The following PSD3 variants were observed in gnomAD, a reference collection of about 807,000 sequenced individuals.
The protein encoded by PSD3 is PH and SEC7 domain-containing protein 3.
Under a neutral mutation model 105.5 loss-of-function variants are expected in PSD3, and 49 were observed. That is an observed-to-expected ratio of 0.46 (90% confidence interval 0.37 to 0.59). PSD3 has a LOEUF of 0.59. Among genes scored for constraint, PSD3 ranks in the 20% least tolerant of loss-of-function variants. The pLI, the probability that PSD3 is intolerant of heterozygous loss-of-function variation, is 0.00. For missense variants in PSD3, 1,561 were observed against 1,263.8 expected, an observed-to-expected ratio of 1.24 and a Z score of -3.57; for synonymous variants, 557 against 457.8, an observed-to-expected ratio of 1.22 and a Z score of -2.77.
At chr8:18,704,937 T>C (rs1801802395) in intron 9 of PSD3, among the ~76,000 whole-genome samples, 1 of 151,916 alleles carries the variant, frequency 6.6e-6, no homozygotes, top group Non-Finnish European at 1.5e-5. Context: ...AAAAAATAAA[T>C]GGGCAACCCC....
Position 18,610,671 on chromosome 8 carries a change from C to T in PSD3, c.2411-10237G>A, listed in dbSNP as rs28470443. ...ATTTCCTTTTCTTATATAATAGCAACCAATGCATATTTTGATAGAGAATAA... is the reference window on the plus strand; with the variant it reads ...ATTTCCTTTTCTTATATAATAGCAATCAATGCATATTTTGATAGAGAATAA... On this transcript the variant is annotated intron_variant, in intron 11 of 15. Transcript: ENST00000327040. 6.3e-3 allele frequency among the ~76,000 whole-genome samples: 957 copies of T among 152,222 alleles called. 10 individuals are homozygous for T. The highest frequency in any genetic ancestry group is 0.022 in the African/African-American group (894 of 41,534).
intron 1 of PSD3, among the ~76,000 whole-genome samples, chr8:18,973,628 T>C (rs368343691): frequency 3.3e-5 from 5 of 152,124 alleles, no homozygotes; most frequent in African/African-American, 1.2e-4. Flanking sequence ...AACTTGAACA[T>C]GTGAATTTTA....
At position 18,600,395 on chromosome 8, in the gene PSD3, A is replaced by G. The variant is rs1428416107; in HGVS notation, c.2450T>C (p.Val817Ala). Residue 817 changes from valine (V) to alanine (A), a missense_variant, in exon 12 of 16, where the codon GTA (valine) becomes GCA (alanine). Physicochemically the swap from Val to Ala is moderately conservative, Grantham distance 64 (BLOSUM62 0). Transcript: ENST00000327040. Reference sequence around the variant, plus strand: ...CAAGTAAAGAACTGTTCCCTTCAGTACAGCATAAAAGGTTTTCCATCCTCG... The same window carrying G: ...CAAGTAAAGAACTGTTCCCTTCAGTGCAGCATAAAAGGTTTTCCATCCTCG... ...GKRGWKTFYA[V>A]LKGTVLYLQK... The G allele has an allele frequency of 2.5e-6, 4 of 1,607,000 alleles. No individual in the cohort carries two copies. Among genetic ancestry groups the G allele is most frequent in the Non-Finnish European group, 3.4e-6 (4 of 1,178,404 alleles).
At chr8:18,642,694 T>C (rs1807738861) in intron 10 of PSD3, among the ~76,000 whole-genome samples, 1 of 152,214 alleles carries the variant, frequency 6.6e-6, no homozygotes, top group African/African-American at 2.4e-5. Flanking sequence ...GAAATGAAGA[T>C]AACAATATTT....
At chr8:18,959,892 C>T (rs892558317) in intron 1 of PSD3, among the ~76,000 whole-genome samples, 1 of 152,146 alleles carries the variant, frequency 6.6e-6, no homozygotes, top group African/African-American at 2.4e-5. Context: ...ATCAGATAAG[C>T]CACTCTTTTT....
intron 4 of PSD3, among the ~76,000 whole-genome samples, chr8:18,834,854 A>C (rs144937285): frequency 1.3e-5 from 2 of 152,358 alleles, no homozygotes; most frequent in African/African-American, 4.8e-5. Flanking sequence ...TGTGACATCC[A>C]TCCAATACAA....
intron 9 of PSD3, among the ~76,000 whole-genome samples, chr8:18,669,792 T>C (rs2046668): frequency 0.038 from 5,738 of 152,350 alleles, 171 homozygotes; most frequent in Admixed American, 0.1. Context: ...AATCCCGTAA[T>C]GGTATAGCAT....
chr8:18,714,226 T>C (rs926686626), intron 9 of PSD3, among the ~76,000 whole-genome samples: 1 of 151,954 alleles, frequency 6.6e-6, no homozygotes, highest in African/African-American at 2.4e-5. Flanking sequence ...TGGGCAAAGA[T>C]TTTATGATGA....
At chr8:18,594,371 AATAAT>A (rs1358680999) in intron 12 of PSD3, among the ~76,000 whole-genome samples, 2 of 108,528 alleles carry the variant, frequency 1.8e-5, no homozygotes, top group Non-Finnish European at 3.4e-5. Flanking sequence ...ATAATATATA[AATAAT>A]ATAATACATT....
chr8:18,732,638 G>A (rs1316638153), intron 9 of PSD3, among the ~76,000 whole-genome samples: 1 of 152,248 alleles, frequency 6.6e-6, no homozygotes, highest in East Asian at 1.9e-4. Flanking sequence ...TTCCTTACAT[G>A]GTGGCTCCGA....
intron 15 of PSD3, among the ~76,000 whole-genome samples, chr8:18,539,505 A>G (rs1160798832): frequency 6.6e-6 from 1 of 152,238 alleles, no homozygotes; most frequent in African/African-American, 2.4e-5. Flanking sequence ...GCTGGTGTGT[A>G]AGAAAAAGTA....
intron 4 of PSD3, among the ~76,000 whole-genome samples, chr8:18,816,701 T>A (rs1354768685): frequency 6.6e-6 from 1 of 152,180 alleles, no homozygotes; most frequent in Non-Finnish European, 1.5e-5. Context: ...AGAGAAACAA[T>A]AAAATACATG....
intron 9 of PSD3, among the ~76,000 whole-genome samples, chr8:18,667,538 G>A (rs1799542328): frequency 1.3e-5 from 2 of 152,206 alleles, no homozygotes; most frequent in Admixed American, 1.3e-4. Flanking sequence ...ACAGGGTGCT[G>A]ATTGGCGTGT....
intron 1 of PSD3, among the ~76,000 whole-genome samples, chr8:19,033,549 T>C (rs2129476360): frequency 1.3e-5 from 2 of 148,570 alleles, no homozygotes; most frequent in East Asian, 4.1e-4. Flanking sequence ...CTTTTTTTTT[T>C]CTTTTTTTAA....
intron 8 of PSD3, among the ~76,000 whole-genome samples, chr8:18,780,673 C>T (rs1451486432): frequency 6.6e-6 from 1 of 152,142 alleles, no homozygotes; most frequent in Admixed American, 6.5e-5. Flanking sequence ...CCTACCTCAG[C>T]CTCCTGAGTA....
At chr8:18,761,226 A>G (rs1464159990) in intron 9 of PSD3, among the ~76,000 whole-genome samples, 2 of 152,202 alleles carry the variant, frequency 1.3e-5, no homozygotes, top group African/African-American at 4.8e-5. Context: ...TCAACGTCAC[A>G]GGTGCTTCCT....
At chr8:19,047,814 G>T (rs150727339) in intron 1 of PSD3, among the ~76,000 whole-genome samples, 1 of 152,154 alleles carries the variant, frequency 6.6e-6, no homozygotes, top group Non-Finnish European at 1.5e-5. Context: ...CCAGGCAGAA[G>T]CTAGCATCTC....
At chr8:18,733,394 TGAC>T (rs1261686101) in intron 9 of PSD3, 4 of 152,526 alleles carry the variant, frequency 2.6e-5, no homozygotes, top group Non-Finnish European at 4.4e-5. Context: ...GTAGATCCTG[TGAC>T]GACATCCTTT....
chr8:18,606,051 C>T (rs927777631), intron 11 of PSD3, among the ~76,000 whole-genome samples: 3 of 152,110 alleles, frequency 2.0e-5, no homozygotes, highest in African/African-American at 7.2e-5. Flanking sequence ...AGATTTCTAC[C>T]CTGAGTCTAA....
Sources: allele counts gnomAD v4.1 joint callset (sites outside exome capture counted in the v4.1 genomes callset), GRCh38; gene constraint gnomAD v4.1.1; transcripts MANE v1.5; gene names NCBI Gene and HGNC (gene_info 2026-07-23, HGNC 2026-07-21).